The following CTR9 variants were observed in gnomAD, a reference collection of about 807,000 sequenced individuals.
CTR9 encodes the protein RNA polymerase-associated protein CTR9 homolog.
A neutral mutation model predicts 152.1 loss-of-function variants in CTR9; 41 were observed. The observed-to-expected ratio is 0.27, with a 90% confidence interval of 0.21 to 0.35. The LOEUF (loss-of-function observed/expected upper bound fraction) is 0.35, where lower values mean the gene tolerates loss of function less well. Among genes scored for constraint, CTR9 ranks in the 10% least tolerant of loss-of-function variants. The pLI, the probability that CTR9 is intolerant of heterozygous loss-of-function variation, is 1.00. For synonymous variants in CTR9, 476 were observed against 496.2 expected, an observed-to-expected ratio of 0.96 and a Z score of 0.54; for missense variants, 917 against 1,424.4, an observed-to-expected ratio of 0.64 and a Z score of 5.73.
In CTR9 at chr11:10,772,626, C is replaced by G. The variant is rs780236151; in HGVS notation, c.2551C>G (p.Leu851Val). 1.3e-5 allele frequency: 21 copies of G among 1,602,310 alleles called. No individual in the cohort carries two copies. The South Asian group carries it at 2.0e-4, about 15-fold the overall frequency. ...LRAKQEQEKE[L>V]LRQKLLKEQE... ...GGCCAAGCAAGAGCAAGAAAAGGAG[C>G]TGTTAAGGCAGAAACTTCTTAAAGA... Residue 851 changes from leucine to valine, a missense_variant, in exon 20 of 25, where the codon CTG (leucine) becomes GTG (valine). This residue lies in a region of CTR9 where 384 missense variants were observed against 398.4 expected (regional missense o/e 0.96). Transcript: ENST00000361367.
intron 12 of CTR9, 52 bp downstream of exon 12, chr11:10,764,783 G>A: frequency 6.9e-7 from 1 of 1,453,400 alleles, no homozygotes; most frequent in Non-Finnish European, 9.2e-7. Flanking sequence ...TCCCACAAGA[G>A]CAGCAAAAAT....
chr11:10,778,888 CT>C lies in CTR9; in HGVS notation c.3306del (p.Asp1103ThrfsTer87). ...AGAAGGCCCTCCGGTTCTGAGCAGT[CT>C]GACAATGAATCTGTGCAGTCAGGGA... Reference protein sequence around the residue: ...RKRRPSGSEQSDNESVQSGRS... With the variant: ...RKRRPSGSEQXDNESVQSGRS... On this transcript the variant is annotated frameshift_variant, in exon 25 of 25. Transcript: ENST00000361367. LOFTEE classifies it high-confidence loss of function. 6.2e-7 allele frequency: 1 copy of C among 1,614,214 alleles called. No individual in the cohort carries two copies. The highest frequency in any genetic ancestry group is 8.5e-7 in the Non-Finnish European group (1 of 1,180,026).
chr11:10,763,093 G>C (rs929140193), intron 7 of CTR9, among the ~76,000 whole-genome samples: 1 of 150,518 alleles, frequency 6.6e-6, no homozygotes, highest in Non-Finnish European at 1.5e-5. Context: ...TTCCCATTTT[G>C]TGGGTGGATA....
chr11:10,772,078 G>C (rs1863151234), intron 19 of CTR9, among the ~76,000 whole-genome samples: 1 of 151,986 alleles, frequency 6.6e-6, no homozygotes, highest in African/African-American at 2.4e-5. Flanking sequence ...TTTTTTGGCT[G>C]GGCGCAGTGG....
intron 5 of CTR9, among the ~76,000 whole-genome samples, chr11:10,757,814 C>T (rs1862910278): frequency 6.6e-6 from 1 of 151,946 alleles, no homozygotes; most frequent in African/African-American, 2.4e-5. Context: ...GTGTAAGCTA[C>T]CAGTAAGAGC....
In CTR9 at chr11:10,775,140, G is replaced by A. The variant is rs1863210966; in HGVS notation, c.2886-67G>A. The A allele has an allele frequency of 4.7e-6, 6 of 1,268,468 alleles. No individual in the cohort carries two copies. The South Asian group carries it at 7.7e-5, about 16-fold the overall frequency. 78.6% of individuals were successfully genotyped at this position (1,268,468 alleles called of 1,614,324 possible). On this transcript the variant is annotated intron_variant, in intron 22 of 24. Coordinates refer to ENST00000361367, the MANE Select transcript of CTR9 (RefSeq NM_014633.5). ...GATTCAGAATGAATAATAATTTAAT[G>A]GCAAAGTAGTCTGGAACTTTATAGG...
chr11:10,760,353 A>T, intron 6 of CTR9, 32 bp downstream of exon 6: 2 of 1,597,558 alleles, frequency 1.3e-6, no homozygotes, highest in Non-Finnish European at 1.7e-6. Context: ...CTAGCTCCTA[A>T]CTGCTTTGTC....
chr11:10,768,564 C>A, intron 16 of CTR9, 73 bp downstream of exon 16: 2 of 1,458,674 alleles, frequency 1.4e-6, no homozygotes, highest in Non-Finnish European at 9.2e-7. Context: ...GCCATTCTGG[C>A]CCTGTCATGG....
intron 7 of CTR9, 147 bp from the exon 8 acceptor site, chr11:10,763,284 T>TTA (rs1863006464): frequency 1.5e-6 from 1 of 650,384 alleles, no homozygotes; most frequent in African/African-American, 1.9e-5. Flanking sequence ...ATTGATTAGG[T>TTA]TATAACTGTT....
rs1476231401 is a variant in CTR9, at chr11:10,775,555, G to A, written c.3017G>A (p.Gly1006Glu). The change falls in exon 24 of 25, where the codon GGA becomes GAA. Residue 1006 changes from glycine (G) to glutamate (E), a missense_variant. Gly to Glu is a moderately conservative substitution (Grantham distance 98). This residue lies in a region of CTR9 where 384 missense variants were observed against 398.4 expected (regional missense o/e 0.96). Coordinates refer to ENST00000361367, the MANE Select transcript of CTR9 (RefSeq NM_014633.5). Reference sequence around the variant, plus strand: ...GAACGTCTGCCTCCATCAATGAAGGGAAAAATAAAATCCAAAGCCATAATT... The same window carrying A: ...GAACGTCTGCCTCCATCAATGAAGGAAAAAATAAAATCCAAAGCCATAATT... ...KPERLPPSMK[G>E]KIKSKAIISS... 6.2e-7 allele frequency: 1 copy of A among 1,613,582 alleles called. No homozygotes were observed. Among genetic ancestry groups the A allele is most frequent in the African/African-American group, 1.3e-5 (1 of 74,874 alleles).
At position 10,779,329 on chromosome 11, in the gene CTR9, A is replaced by T; in HGVS notation, c.*224A>T. The T allele has an allele frequency of 2.1e-6, 1 of 485,216 alleles. No individual in the cohort carries two copies. Among genetic ancestry groups the T allele is most frequent in the Non-Finnish European group, 3.6e-6 (1 of 274,698 alleles). The allele number at this position is 485,216 out of a possible 1,614,324, so 30.1% of individuals were successfully genotyped here. ...AGACTATTCTTTGTGGTACAATTCC[A>T]CCTATCATATGTGAAAACTGCAGTA... On this transcript the variant is annotated 3_prime_UTR_variant, in exon 25 of 25. Transcript: ENST00000361367.
At position 10,757,803 on chromosome 11, in the gene CTR9, T is replaced by G. The variant is rs80192012; in HGVS notation, c.592+965T>G. On this transcript the variant is annotated intron_variant, in intron 5 of 24. Transcript: ENST00000361367. The stretch of plus-strand genomic sequence containing the variant: ...AAGATAAATAGTAAAGTATGTATGA[T>G]GTGTAAGCTACCAGTAAGAGCCAAG... Among the ~76,000 whole-genome samples the G allele has an allele frequency of 7.7e-3, 1,175 of 152,180 alleles. 18 individuals are homozygous for G. Among genetic ancestry groups the G allele is most frequent in the African/African-American group, 0.027 (1,122 of 41,514 alleles).
rs915454391 is a variant in CTR9 at position 10,773,856 on chromosome 11, G to A, written c.2728-156G>A. Reference sequence around the variant, plus strand: ...GCCGAGATTGCCCCACTGCACTCTCGCCTGGGCAAAAGAGTGAGACTTCAT... The same window carrying A: ...GCCGAGATTGCCCCACTGCACTCTCACCTGGGCAAAAGAGTGAGACTTCAT... On this transcript the variant is annotated intron_variant, in intron 21 of 24. Transcript: ENST00000361367. 5.0e-5 allele frequency among the ~76,000 whole-genome samples: 7 copies of A among 139,934 alleles called. No individual in the cohort carries two copies. In the East Asian group the frequency reaches 1.1e-3, roughly 21 times the overall value. 91.8% of individuals were successfully genotyped at this position (139,934 alleles called of 152,430 possible). A position where few individuals can be genotyped will look rare whatever the true frequency, so the allele number is the denominator to read the frequency against.
intron 13 of CTR9, 94 bp downstream of exon 13, chr11:10,766,584 G>C: frequency 1.2e-6 from 1 of 846,370 alleles, no homozygotes. Flanking sequence ...ACATCTTCCT[G>C]GTTTTGTCAT....
rs1863218275 is a variant in CTR9 at position 10,775,518 on chromosome 11, T to C, written c.2983-3T>C. 6.2e-7 allele frequency: 1 copy of C among 1,609,268 alleles called. No individual in the cohort carries two copies. Among genetic ancestry groups the C allele is most frequent in the Admixed American group, 1.7e-5 (1 of 59,486 alleles). On this transcript the variant is annotated splice_region_variant and splice_polypyrimidine_tract_variant and intron_variant, in intron 23 of 24. Coordinates refer to ENST00000361367, the MANE Select transcript of CTR9 (RefSeq NM_014633.5). The stretch of plus-strand genomic sequence containing the variant: ...CTAATCTATTATGTTTGACATTCTT[T>C]AGCCCAAGCCAGAACGTCTGCCTCC...
intron 5 of CTR9, among the ~76,000 whole-genome samples, chr11:10,757,095 G>C (rs1320272624): frequency 6.6e-6 from 1 of 151,634 alleles, no homozygotes; most frequent in Non-Finnish European, 1.5e-5. Context: ...GACCAGCCTG[G>C]GCAACGTAGT....
At chr11:10,769,701 A>G (rs1480021572) in intron 16 of CTR9, among the ~76,000 whole-genome samples, 3 of 152,254 alleles carry the variant, frequency 2.0e-5, no homozygotes, top group African/African-American at 4.8e-5. Flanking sequence ...GAGGTATTCC[A>G]TGGTCAAAAA....
In CTR9 at chr11:10,763,566, A is replaced by G. The variant is rs565770873; in HGVS notation, c.957+28A>G. 6.3e-6 allele frequency: 10 copies of G among 1,575,160 alleles called. No individual in the cohort carries two copies. The Admixed American group carries it at 1.7e-4, about 27-fold the overall frequency. On this transcript the variant is annotated intron_variant, in intron 8 of 24. Coordinates refer to ENST00000361367, the MANE Select transcript of CTR9 (RefSeq NM_014633.5). ...AATTTTATAACTTCTCTAAATGTCT[A>G]ATCTTTTTACTTATAGTGTTTTAAG...
chr11:10,752,708 G>T lies in CTR9; in HGVS notation c.82G>T (p.Asp28Tyr), dbSNP rs1399595861. The T allele has an allele frequency of 6.2e-7, 1 of 1,614,010 alleles. No homozygotes were observed. ...TGACTTCGATCAGTTACCGGAGGGA[G>T]ATGAAGTTATCAGTATTCTGAAACA... ...ELDFDQLPEG[D>Y]EVISILKQEH... is the part of the protein sequence containing the mutation. Residue 28 changes from aspartate (D) to tyrosine (Y), a missense_variant, in exon 2 of 25, where the codon GAT (aspartate) becomes TAT (tyrosine). Transcript: ENST00000361367.
Sources: allele counts gnomAD v4.1 joint callset (sites outside exome capture counted in the v4.1 genomes callset), GRCh38; gene constraint gnomAD v4.1.1; regional missense constraint gnomAD v4.1.1; transcripts MANE v1.5; gene names NCBI Gene and HGNC (gene_info 2026-07-23, HGNC 2026-07-21).